BASP1: variants seen among roughly 807,000 people sequenced by gnomAD.
BASP1 encodes the protein brain acid soluble protein 1.
A neutral mutation model predicts 2.2 loss-of-function variants in BASP1; 1 was observed. That is an observed-to-expected ratio of 0.46 (90% CI 0.16 to 2.17). BASP1 has a LOEUF of 2.17. BASP1 is among the 30% of genes most tolerant of loss of function. The probability of loss-of-function intolerance (pLI) is 0.27; values close to 1 mark genes in which losing one functional copy is unlikely to be tolerated. For missense variants in BASP1, 352 were observed against 327.2 expected (o/e 1.08, Z -0.58); for synonymous variants, 187 against 154.2 (o/e 1.21, Z -1.58).
At chr5:17,240,283 C>T (rs1220292093) in intron 1 of BASP1, among the ~76,000 whole-genome samples, 1 of 152,096 alleles carries the variant, frequency 6.6e-6, no homozygotes, top group Non-Finnish European at 1.5e-5. Context: ...GCCTGTAATC[C>T]CAGCACTTTG....
At chr5:17,267,050 G>A (rs369062506) in intron 1 of BASP1, among the ~76,000 whole-genome samples, 3 of 152,104 alleles carry the variant, frequency 2.0e-5, no homozygotes, top group South Asian at 2.1e-4. Flanking sequence ...ATTAGTTTTC[G>A]AGAATTGTGA....
chr5:17,218,323 C>G (rs78303234), intron 1 of BASP1, among the ~76,000 whole-genome samples: 16,512 of 151,478 alleles, frequency 0.11, 1,029 homozygotes, highest in Middle Eastern at 0.16. Context: ...GATGGGGAAT[C>G]TGGCCCGATC....
At chr5:17,268,676 C>T (rs1482363915) in intron 1 of BASP1, among the ~76,000 whole-genome samples, 2 of 152,182 alleles carry the variant, frequency 1.3e-5, no homozygotes, top group Non-Finnish European at 1.5e-5. Flanking sequence ...CCCTGACAGG[C>T]TTCCTGGAGA....
chr5:17,263,860 C>G (rs1579500479), intron 1 of BASP1, among the ~76,000 whole-genome samples: 1 of 152,190 alleles, frequency 6.6e-6, no homozygotes, highest in South Asian at 2.1e-4. Flanking sequence ...AAAGGTTTAC[C>G]TAGAAACTTA....
chr5:17,271,037 T>C (rs1253561434), intron 1 of BASP1, among the ~76,000 whole-genome samples: 1 of 152,238 alleles, frequency 6.6e-6, no homozygotes, highest in African/African-American at 2.4e-5. Flanking sequence ...CTACTGTTTA[T>C]GGTTATTTTC....
chr5:17,237,372 A>G (rs1052959118), intron 1 of BASP1, among the ~76,000 whole-genome samples: 5 of 152,116 alleles, frequency 3.3e-5, no homozygotes, highest in African/African-American at 7.2e-5. Flanking sequence ...AAAAAGAAAG[A>G]AAGGTGATAA....
intron 1 of BASP1, among the ~76,000 whole-genome samples, chr5:17,237,130 G>A (rs1739763853): frequency 2.0e-5 from 3 of 152,126 alleles, no homozygotes; most frequent in Non-Finnish European, 4.4e-5. Flanking sequence ...CGGATCACGA[G>A]GTTAGGAGAT....
intron 1 of BASP1, among the ~76,000 whole-genome samples, chr5:17,261,418 T>G (rs959956214): frequency 8.5e-5 from 13 of 152,216 alleles, no homozygotes; most frequent in African/African-American, 3.1e-4. Context: ...ACGAGAGTAC[T>G]ATGAAGGTAA....
At chr5:17,272,695 CGTTT>C (rs1740554636) in intron 1 of BASP1, among the ~76,000 whole-genome samples, 1 of 152,046 alleles carries the variant, frequency 6.6e-6, no homozygotes, top group Admixed American at 6.6e-5. Flanking sequence ...ATGCCAGGGG[CGTTT>C]GTTAACTTTG....
chr5:17,234,508 G>A (rs1299524835), intron 1 of BASP1, among the ~76,000 whole-genome samples: 1 of 152,198 alleles, frequency 6.6e-6, no homozygotes, highest in Non-Finnish European at 1.5e-5. Context: ...AGTGGTTCAA[G>A]TGATTTCAAA....
intron 1 of BASP1, among the ~76,000 whole-genome samples, chr5:17,247,188 A>G (rs948385160): frequency 2.6e-5 from 4 of 152,184 alleles, no homozygotes; most frequent in African/African-American, 4.8e-5. Context: ...CTGTCTCTAA[A>G]TAAATAAATA....
At chr5:17,246,733 C>G (rs1739998935) in intron 1 of BASP1, among the ~76,000 whole-genome samples, 1 of 152,240 alleles carries the variant, frequency 6.6e-6, no homozygotes, top group South Asian at 2.1e-4. Flanking sequence ...GGACCTCATT[C>G]TCTAATTGCC....
chr5:17,226,967 C>T (rs1185396668), intron 1 of BASP1, among the ~76,000 whole-genome samples: 3 of 150,828 alleles, frequency 2.0e-5, no homozygotes, highest in Admixed American at 6.6e-5. Context: ...TTTGCTCTGT[C>T]GCCCAGGCTG....
chr5:17,269,826 T>C (rs1740494004), intron 1 of BASP1, among the ~76,000 whole-genome samples: 1 of 152,222 alleles, frequency 6.6e-6, no homozygotes, highest in Admixed American at 6.5e-5. Context: ...TTAGCCAAGA[T>C]AAGCTGTAGA....
intron 1 of BASP1, among the ~76,000 whole-genome samples, chr5:17,224,379 TC>T (rs11315283): frequency 0.31 from 46,918 of 150,158 alleles, 7,575 homozygotes; most frequent in African/African-American, 0.41. Context: ...AGGATTTCAA[TC>T]CGTGTAGATG....
At chr5:17,246,834 G>A (rs976898525) in intron 1 of BASP1, among the ~76,000 whole-genome samples, 1 of 152,130 alleles carries the variant, frequency 6.6e-6, no homozygotes, top group African/African-American at 2.4e-5. Context: ...GGTTCTGAAC[G>A]CTTTGGCAGT....
At chr5:17,226,171 A>G (rs1739499333) in intron 1 of BASP1, among the ~76,000 whole-genome samples, 1 of 152,236 alleles carries the variant, frequency 6.6e-6, no homozygotes, top group South Asian at 2.1e-4. Context: ...GCTTTTAATT[A>G]TTACACTTAC....
chr5:17,262,255 T>G (rs372484288), intron 1 of BASP1, among the ~76,000 whole-genome samples: 4 of 152,248 alleles, frequency 2.6e-5, no homozygotes, highest in African/African-American at 9.6e-5. Flanking sequence ...TAATCTCAAC[T>G]GGACATTTCC....
intron 1 of BASP1, among the ~76,000 whole-genome samples, chr5:17,227,947 A>C (rs1418136833): frequency 2.0e-5 from 3 of 152,124 alleles, no homozygotes; most frequent in Non-Finnish European, 4.4e-5. Context: ...AGAATTTTCA[A>C]ATGTTTGGTT....
Sources: gnomAD v4.1 joint callset for allele counts (sites outside exome capture counted in the v4.1 genomes callset) on GRCh38, gnomAD v4.1.1 for gene constraint, MANE v1.5 for transcripts, NCBI Gene and HGNC (gene_info 2026-07-23, HGNC 2026-07-21) for gene names.